FGF10: variants seen among roughly 807,000 people sequenced by gnomAD.
FGF10 encodes fibroblast growth factor 10, also known as FGF-10.
A neutral mutation model predicts 19.8 loss-of-function variants in FGF10; 2 were observed. The ratio of observed to expected loss-of-function variants is 0.10; its 90% CI spans 0.04 to 0.32. The LOEUF (loss-of-function observed/expected upper bound fraction) is 0.32, where lower values mean the gene tolerates loss of function less well. FGF10 is among the 10% of genes least tolerant of loss of function. The probability of loss-of-function intolerance (pLI) is 1.00; values close to 1 mark genes in which losing one functional copy is unlikely to be tolerated. For missense variants in FGF10, 191 were observed against 246.3 expected, an observed-to-expected ratio of 0.78 and a Z score of 1.50; for synonymous variants, 112 against 94.0, an observed-to-expected ratio of 1.19 and a Z score of -1.10.
chr5:44,315,143 A>G (rs1185112941), intron 1 of FGF10, among the ~76,000 whole-genome samples: 1 of 151,180 alleles, frequency 6.6e-6, no homozygotes, highest in Non-Finnish European at 1.5e-5. Flanking sequence ...GGAGTTTTAA[A>G]GCTCAATAAA....
intron 1 of FGF10, among the ~76,000 whole-genome samples, chr5:44,362,468 A>T (rs1391870389): frequency 6.6e-6 from 1 of 151,538 alleles, no homozygotes; most frequent in African/African-American, 2.4e-5. Context: ...ACTAGGACAT[A>T]GGGAGAACTC....
At chr5:44,343,598 A>G (rs1438700132) in intron 1 of FGF10, among the ~76,000 whole-genome samples, 1 of 152,000 alleles carries the variant, frequency 6.6e-6, no homozygotes, top group Non-Finnish European at 1.5e-5. Flanking sequence ...TCTTCTGGTT[A>G]TGTCAAGGAA....
chr5:44,338,737 G>A (rs940118242), intron 1 of FGF10, among the ~76,000 whole-genome samples: 2 of 152,138 alleles, frequency 1.3e-5, no homozygotes, highest in African/African-American at 4.8e-5. Context: ...TTCCCCAACA[G>A]CTGAGTTAAA....
intron 1 of FGF10, among the ~76,000 whole-genome samples, chr5:44,356,509 G>A (rs1741351291): frequency 6.6e-6 from 1 of 151,286 alleles, no homozygotes; most frequent in Admixed American, 6.6e-5. Flanking sequence ...GTCTTCTTTG[G>A]AGAGTAATAA....
intron 1 of FGF10, among the ~76,000 whole-genome samples, chr5:44,322,494 GA>G (rs1740518451): frequency 6.6e-6 from 1 of 152,208 alleles, no homozygotes; most frequent in Non-Finnish European, 1.5e-5. Context: ...AAACTGGGAA[GA>G]AATGGATCCA....
At chr5:44,382,275 A>C (rs1160226430) in intron 1 of FGF10, among the ~76,000 whole-genome samples, 2 of 152,180 alleles carry the variant, frequency 1.3e-5, no homozygotes. Flanking sequence ...AAAGAACACA[A>C]TTGATCTGAT....
chr5:44,364,247 G>T (rs1462192385), intron 1 of FGF10, among the ~76,000 whole-genome samples: 1 of 151,788 alleles, frequency 6.6e-6, no homozygotes, highest in Non-Finnish European at 1.5e-5. Context: ...AAAACGTATT[G>T]GATGATATCC....
intron 1 of FGF10, among the ~76,000 whole-genome samples, chr5:44,335,190 C>T (rs1740818835): frequency 6.6e-6 from 1 of 151,964 alleles, no homozygotes. Context: ...ATATGTGGCT[C>T]ATAACATAAC....
intron 1 of FGF10, among the ~76,000 whole-genome samples, chr5:44,344,388 T>A (rs1741036407): frequency 6.6e-6 from 1 of 151,320 alleles, no homozygotes; most frequent in South Asian, 2.1e-4. Context: ...GTTACTAGGG[T>A]ACTATAAAAA....
intron 1 of FGF10, among the ~76,000 whole-genome samples, chr5:44,341,194 G>A (rs1740961192): frequency 6.6e-6 from 1 of 151,838 alleles, no homozygotes; most frequent in African/African-American, 2.4e-5. Flanking sequence ...GTTTTACAAT[G>A]GAAAACATTA....
chr5:44,329,923 G>A (rs1001068046), intron 1 of FGF10, among the ~76,000 whole-genome samples: 1 of 152,158 alleles, frequency 6.6e-6, no homozygotes, highest in African/African-American at 2.4e-5. Context: ...AGAGTTTTCA[G>A]AGCCTTAGTG....
intron 1 of FGF10, among the ~76,000 whole-genome samples, chr5:44,328,190 T>G (rs1740655198): frequency 6.6e-6 from 1 of 152,204 alleles, no homozygotes; most frequent in African/African-American, 2.4e-5. Flanking sequence ...TTTTGTTCAG[T>G]TGCCCTTGCT....
chr5:44,362,501 A>G (rs1254649915), intron 1 of FGF10, among the ~76,000 whole-genome samples: 1 of 151,640 alleles, frequency 6.6e-6, no homozygotes, highest in Non-Finnish European at 1.5e-5. Context: ...AAACAGCACA[A>G]AGCAACTTAC....
At position 44,349,447 on chromosome 5, in the gene FGF10, T is replaced by TC. The variant is rs1359178879; in HGVS notation, c.325+38910_325+38911insG. ...TTATATATATATATATATATATATA[T>TC]ATATATATATATATATATATATCAG... is the stretch of plus-strand genomic sequence containing the variant. On this transcript the variant is annotated intron_variant, in intron 1 of 2. Transcript: ENST00000264664. Among the ~76,000 whole-genome samples the TC allele has an allele frequency of 5.6e-3, 86 of 15,454 alleles. 2 individuals carry two copies. The highest frequency in any genetic ancestry group is 0.013 in the African/African-American group (66 of 5,276). The allele number at this position is 15,454 out of a possible 152,430, so 10.1% of individuals were successfully genotyped here. A position where few individuals can be genotyped will look rare whatever the true frequency, so the allele number is the denominator to read the frequency against.
rs138734343 is a variant in FGF10, at chr5:44,341,823, C to G, written c.326-31293G>C. ...AGAGCTGAACCAGGTCTGCCTTATA[C>G]TCTTTTGATTGATATTGAACAACCC... On this transcript the variant is annotated intron_variant, in intron 1 of 2. Transcript: ENST00000264664. 5.3e-5 allele frequency among the ~76,000 whole-genome samples: 8 copies of G among 152,064 alleles called. No homozygotes were observed. In the East Asian group the frequency reaches 1.5e-3, roughly 29 times the overall value.
chr5:44,376,233 A>G (rs1354083881), intron 1 of FGF10, among the ~76,000 whole-genome samples: 2 of 152,008 alleles, frequency 1.3e-5, no homozygotes, highest in African/African-American at 4.8e-5. Context: ...ACCAAGACCC[A>G]GGGAGTAACT....
At chr5:44,350,080 T>C (rs1277099822) in intron 1 of FGF10, among the ~76,000 whole-genome samples, 2 of 151,018 alleles carry the variant, frequency 1.3e-5, no homozygotes, top group East Asian at 2.0e-4. Flanking sequence ...ACATCTAGAG[T>C]TGAAATTGTC....
intron 1 of FGF10, among the ~76,000 whole-genome samples, chr5:44,346,614 C>T (rs1412791613): frequency 6.6e-6 from 1 of 151,768 alleles, no homozygotes; most frequent in East Asian, 1.9e-4. Context: ...TCTGCCTGAG[C>T]TTTATTTCCT....
intron 1 of FGF10, among the ~76,000 whole-genome samples, chr5:44,324,950 A>G (rs1445562004): frequency 6.6e-6 from 1 of 152,212 alleles, no homozygotes; most frequent in Non-Finnish European, 1.5e-5. Flanking sequence ...AACTGTGTGT[A>G]ACATAATTTC....
Sources: allele counts gnomAD v4.1 joint callset (sites outside exome capture counted in the v4.1 genomes callset), GRCh38; gene constraint gnomAD v4.1.1; transcripts MANE v1.5; gene names NCBI Gene and HGNC (gene_info 2026-07-23, HGNC 2026-07-21).